Variants in PTPRN2 observed in about 807,000 individuals in gnomAD.
The protein encoded by PTPRN2 is protein tyrosine phosphatase receptor type N2.
PTPRN2 carries 74 observed loss-of-function variants against 118.8 expected under a neutral mutation model. That is an observed-to-expected ratio of 0.62 (90% CI 0.52 to 0.76). The LOEUF (loss-of-function observed/expected upper bound fraction) is 0.76. Ranked by LOEUF, PTPRN2 falls within the 30% of genes least tolerant of loss-of-function variation. The probability of loss-of-function intolerance (pLI) is 0.00; values close to 1 mark genes in which losing one functional copy is unlikely to be tolerated. For synonymous variants in PTPRN2, 641 were observed against 608.0 expected (o/e 1.05, Z -0.80); for missense variants, 1,481 against 1,394.4 (o/e 1.06, Z -0.99).
intron 12 of PTPRN2, among the ~76,000 whole-genome samples, chr7:157,687,740 T>A (rs1206572619): frequency 6.6e-6 from 1 of 152,238 alleles, no homozygotes; most frequent in African/African-American, 2.4e-5. Flanking sequence ...TACTAAAATA[T>A]AATACTCACT....
At chr7:157,686,020 C>T (rs912566469) in intron 12 of PTPRN2, among the ~76,000 whole-genome samples, 1 of 152,216 alleles carries the variant, frequency 6.6e-6, no homozygotes, top group African/African-American at 2.4e-5. Flanking sequence ...CCGCGCGGGG[C>T]CGCGGGACCT....
chr7:158,336,644 C>G, intron 2 of PTPRN2, among the ~76,000 whole-genome samples: 1 of 146,024 alleles, frequency 6.8e-6, no homozygotes, highest in African/African-American at 2.6e-5. Flanking sequence ...GTCACTCACA[C>G]CCACACGTCA....
chr7:157,942,188 TCCACACACAGGGGTCCTC>T, intron 11 of PTPRN2, among the ~76,000 whole-genome samples: 1 of 33,222 alleles, frequency 3.0e-5, no homozygotes, highest in East Asian at 1.9e-3. Flanking sequence ...CGGCCCACCC[TCCACACACAGGGGTCCTC>T]GGCCCACCCT....
chr7:158,587,571 G>A lies in PTPRN2; in HGVS notation c.99C>T (p.Leu33=). The change falls in exon 1 of 23, where the codon CTC becomes CTT. Residue 33 remains leucine, a synonymous_variant. Coordinates refer to ENST00000389418, the MANE Select transcript of PTPRN2 (RefSeq NM_002847.5). ...CCCCCCACTCACCCAGACGCCCCGGGAGCTGCCGGCCGCGGGGGACGGACG... is the reference window on the plus strand; with the variant it reads ...CCCCCCACTCACCCAGACGCCCCGGAAGCTGCCGGCCGCGGGGGACGGACG... ...APSSVPRGRQ[L]PGRLGCLLEE... is the part of the protein sequence containing the mutation. 1 of 1,336,592 alleles carries A rather than the reference G, an allele frequency of 7.5e-7. No individual in the cohort carries two copies. Among genetic ancestry groups the A allele is most frequent in the East Asian group, 3.1e-5 (1 of 32,440 alleles). 82.8% of individuals were successfully genotyped at this position (1,336,592 alleles called of 1,614,324 possible).
intron 12 of PTPRN2, among the ~76,000 whole-genome samples, chr7:157,777,208 T>C (rs1441807388): frequency 1.3e-5 from 2 of 152,256 alleles, no homozygotes; most frequent in African/African-American, 2.4e-5. Flanking sequence ...TTTTTTCACA[T>C]TCAAACAGAT....
At chr7:158,443,658 G>A (rs907860367) in intron 2 of PTPRN2, among the ~76,000 whole-genome samples, 6 of 152,180 alleles carry the variant, frequency 3.9e-5, no homozygotes, top group African/African-American at 9.6e-5. Context: ...CCAAGCGTGC[G>A]AGCTGCTTGT....
At chr7:157,873,855 CGGA>C (rs1795543181) in intron 12 of PTPRN2, among the ~76,000 whole-genome samples, 2 of 152,134 alleles carry the variant, frequency 1.3e-5, no homozygotes, top group Non-Finnish European at 1.5e-5. Flanking sequence ...AGGTGGAAAG[CGGA>C]GGAGGAGGGA....
At chr7:157,851,142 T>A (rs1158388700) in intron 12 of PTPRN2, among the ~76,000 whole-genome samples, 1 of 152,212 alleles carries the variant, frequency 6.6e-6, no homozygotes, top group Non-Finnish European at 1.5e-5. Context: ...ATATCTGTGA[T>A]AATTACCAAC....
chr7:157,815,707 G>A (rs1806353637), intron 12 of PTPRN2, among the ~76,000 whole-genome samples: 2 of 152,208 alleles, frequency 1.3e-5, no homozygotes, highest in South Asian at 4.1e-4. Flanking sequence ...AGGACTGTTG[G>A]AGGCCACCAG....
At chr7:158,021,850 CT>C (rs1468800100) in intron 11 of PTPRN2, among the ~76,000 whole-genome samples, 1 of 152,238 alleles carries the variant, frequency 6.6e-6, no homozygotes, top group African/African-American at 2.4e-5. Flanking sequence ...TTCAATAAAA[CT>C]TTATTTACTA....
intron 11 of PTPRN2, among the ~76,000 whole-genome samples, chr7:157,921,634 C>T (rs980724363): frequency 6.6e-6 from 1 of 152,158 alleles, no homozygotes; most frequent in East Asian, 1.9e-4. Context: ...TGCTGTAAGG[C>T]GAGCCCAGCC....
At chr7:158,211,301 C>T (rs909664449) in intron 3 of PTPRN2, among the ~76,000 whole-genome samples, 3 of 152,094 alleles carry the variant, frequency 2.0e-5, no homozygotes, top group Non-Finnish European at 2.9e-5. Flanking sequence ...GCACAGGCAG[C>T]CAAAGCAACT....
chr7:157,559,107 C>T (rs1193650759), intron 21 of PTPRN2, among the ~76,000 whole-genome samples: 1 of 152,230 alleles, frequency 6.6e-6, no homozygotes, highest in African/African-American at 2.4e-5. Context: ...ATGAGGATTA[C>T]TGATTCCACG....
At chr7:157,547,614 G>GGAAA (rs1050313815) in intron 22 of PTPRN2, among the ~76,000 whole-genome samples, 2 of 151,978 alleles carry the variant, frequency 1.3e-5, no homozygotes, top group Admixed American at 1.3e-4. Context: ...ACAAGCAGAA[G>GGAAA]GAAAGACAGA....
At chr7:158,185,484 G>A (rs748637286) in intron 5 of PTPRN2, among the ~76,000 whole-genome samples, 27 of 152,264 alleles carry the variant, frequency 1.8e-4, no homozygotes, top group Non-Finnish European at 3.7e-4. Flanking sequence ...CGACCTGTAT[G>A]TTCCTCTCTT....
chr7:158,269,781 G>C (rs1358263513), intron 3 of PTPRN2, among the ~76,000 whole-genome samples: 1 of 152,034 alleles, frequency 6.6e-6, no homozygotes, highest in African/African-American at 2.4e-5. Context: ...GAGACAGAGA[G>C]AGAGACAAAG....
At chr7:157,589,332 G>GC (rs1800856269) in intron 17 of PTPRN2, among the ~76,000 whole-genome samples, 1 of 152,226 alleles carries the variant, frequency 6.6e-6, no homozygotes, top group African/African-American at 2.4e-5. Flanking sequence ...TCTTCCCCCA[G>GC]CCCCCTTTCC....
intron 2 of PTPRN2, among the ~76,000 whole-genome samples, chr7:158,343,794 G>A (rs984614106): frequency 7.2e-5 from 11 of 152,156 alleles, no homozygotes; most frequent in South Asian, 4.1e-4. Context: ...AGCAGGGCTC[G>A]CGCAGAGGCT....
intron 11 of PTPRN2, among the ~76,000 whole-genome samples, chr7:157,936,657 G>A (rs564526063): frequency 1.1e-4 from 14 of 130,354 alleles, no homozygotes; most frequent in Middle Eastern, 3.6e-3. Flanking sequence ...GACACCTCCC[G>A]TGTCTCTTCC....
Sources: allele counts gnomAD v4.1 joint callset (sites outside exome capture counted in the v4.1 genomes callset), GRCh38; gene constraint gnomAD v4.1.1; transcripts MANE v1.5; gene names NCBI Gene and HGNC (gene_info 2026-07-23, HGNC 2026-07-21).